GPHN: variants seen among roughly 807,000 people sequenced by gnomAD.
The protein encoded by GPHN is gephyrin.
Under a neutral mutation model 95.5 loss-of-function variants are expected in GPHN, and 17 were observed. The ratio of observed to expected loss-of-function variants is 0.18; its 90% CI spans 0.12 to 0.27. The LOEUF is 0.27. Ranked by LOEUF, GPHN falls within the 10% of genes least tolerant of loss-of-function variation. The pLI is 1.00. For synonymous variants in GPHN, 320 were observed against 322.5 expected (o/e 0.99, Z 0.08); for missense variants, 660 against 978.1 (o/e 0.67, Z 4.34).
chr14:66,991,244 A>G (rs2071399197), intron 9 of GPHN, among the ~76,000 whole-genome samples: 1 of 152,170 alleles, frequency 6.6e-6, no homozygotes. Context: ...TTTAGTAATA[A>G]TAAAATCATC....
chr14:67,656,823 G>T, the GPHN span, among the ~76,000 whole-genome samples: 1 of 152,072 alleles, frequency 6.6e-6, no homozygotes, highest in Non-Finnish European at 1.5e-5. Context: ...TTACACTTAC[G>T]CGAGGCAAGG....
At chr14:66,865,928 T>C (rs1055972095) in intron 4 of GPHN, among the ~76,000 whole-genome samples, 4 of 152,168 alleles carry the variant, frequency 2.6e-5, no homozygotes, top group Non-Finnish European at 5.9e-5. Context: ...ACATTGAACA[T>C]CAAGGTAGCA....
chr14:66,929,310 G>A (rs1402099223), intron 8 of GPHN, among the ~76,000 whole-genome samples: 1 of 151,884 alleles, frequency 6.6e-6, no homozygotes, highest in Admixed American at 6.6e-5. Flanking sequence ...CTCCCAAAGT[G>A]CTGGAATTAC....
chr14:66,869,955 A>G (rs1462809838), intron 4 of GPHN, among the ~76,000 whole-genome samples: 3 of 152,136 alleles, frequency 2.0e-5, no homozygotes, highest in Non-Finnish European at 1.5e-5. Context: ...TCTTTATTCA[A>G]CAAATATTTG....
At chr14:67,175,827 T>G (rs1199427896) in intron 21 of GPHN, among the ~76,000 whole-genome samples, 1 of 152,216 alleles carries the variant, frequency 6.6e-6, no homozygotes, top group East Asian at 1.9e-4. Flanking sequence ...GGTATTTTAT[T>G]CTATTTGTAT....
the GPHN span, among the ~76,000 whole-genome samples, chr14:67,210,356 C>T: frequency 1.3e-5 from 2 of 151,746 alleles, no homozygotes; most frequent in African/African-American, 4.8e-5. Context: ...GAGGCTGAGG[C>T]AGGAGGACTG....
chr14:66,822,572 A>G (rs1319505958), intron 3 of GPHN, among the ~76,000 whole-genome samples: 3 of 152,220 alleles, frequency 2.0e-5, no homozygotes, highest in Admixed American at 6.5e-5. Context: ...CATGGTAGGT[A>G]CTTCATAAAT....
intron 1 of GPHN, among the ~76,000 whole-genome samples, chr14:66,636,887 T>C (rs1271624776): frequency 2.0e-5 from 3 of 152,186 alleles, no homozygotes; most frequent in African/African-American, 4.8e-5. Context: ...TAATCTATTA[T>C]CTTGATTTTT....
the GPHN span, among the ~76,000 whole-genome samples, chr14:67,512,885 A>G: frequency 6.6e-6 from 1 of 152,204 alleles, no homozygotes; most frequent in Non-Finnish European, 1.5e-5. Context: ...GATAAAAACT[A>G]CACTTTTAAA....
At chr14:67,242,290 C>A in the GPHN span, among the ~76,000 whole-genome samples, 1 of 152,124 alleles carries the variant, frequency 6.6e-6, no homozygotes, top group Non-Finnish European at 1.5e-5. Context: ...AAATTAAAAT[C>A]TGATGGCTAG....
chr14:66,802,473 C>T (rs1054686918), intron 3 of GPHN, among the ~76,000 whole-genome samples: 2 of 152,110 alleles, frequency 1.3e-5, no homozygotes, highest in South Asian at 2.1e-4. Flanking sequence ...AGTTGGTACC[C>T]GAGTTGCAAG....
chr14:67,528,733 G>C, the GPHN span, among the ~76,000 whole-genome samples: 2 of 152,026 alleles, frequency 1.3e-5, no homozygotes, highest in Non-Finnish European at 2.9e-5. Flanking sequence ...GCAGCGGACA[G>C]AGCATTTTGC....
At chr14:66,675,225 C>A (rs2066519628) in intron 1 of GPHN, among the ~76,000 whole-genome samples, 1 of 150,760 alleles carries the variant, frequency 6.6e-6, no homozygotes, top group Non-Finnish European at 1.5e-5. Flanking sequence ...CTCACTGCAA[C>A]CTCTGCCTCC....
chr14:67,586,679 G>T, the GPHN span: 21 of 554,200 alleles, frequency 3.8e-5, no homozygotes, highest in African/African-American at 4.1e-4. Flanking sequence ...TGATTAACTG[G>T]AAACCCTGTT....
At chr14:67,225,689 G>T in the GPHN span, among the ~76,000 whole-genome samples, 1 of 152,060 alleles carries the variant, frequency 6.6e-6, no homozygotes, top group Non-Finnish European at 1.5e-5. Context: ...TATGTAGCTT[G>T]TACACACCAT....
chr14:66,757,211 A>G (rs1302683584), intron 2 of GPHN, among the ~76,000 whole-genome samples: 2 of 152,288 alleles, frequency 1.3e-5, no homozygotes, highest in African/African-American at 4.8e-5. Flanking sequence ...AGTTGATACA[A>G]TCTCCAAGAA....
At chr14:67,301,861 A>AT in the GPHN span, 1 of 1,195,872 alleles carries the variant, frequency 8.4e-7, no homozygotes. Context: ...CTAATTAATT[A>AT]TAACACTTTT....
chr14:66,981,100 A>T lies in GPHN; in HGVS notation c.963+15775A>T, dbSNP rs114151022. Among the ~76,000 whole-genome samples the T allele has an allele frequency of 7.1e-3, 1,080 of 152,264 alleles. 12 individuals are homozygous for T. Among genetic ancestry groups the T allele is most frequent in the East Asian group, 0.02 (105 of 5,182 alleles). On this transcript the variant is annotated intron_variant, in intron 9 of 22. Coordinates refer to ENST00000478722, the MANE Select transcript of GPHN (RefSeq NM_020806.5). ...AAAATATGGCAGAGGGGTTTAGAGG[A>T]TCTGTAACTTGCCACCATGATTCTA...
Position 66,916,000 on chromosome 14 carries a change from C to T in GPHN, c.390-3C>T, listed in dbSNP as rs527251241. The T allele has an allele frequency of 2.0e-5, 32 of 1,568,866 alleles. No homozygotes were observed. The African/African-American group carries it at 3.8e-4, about 19-fold the overall frequency. ...TGTTCATCTACTTTCTCTTTTCTTT[C>T]AGGCCTGTATGTGGAATCAGAGGGA... On this transcript the variant is annotated splice_region_variant and splice_polypyrimidine_tract_variant and intron_variant, in intron 5 of 22. Transcript: ENST00000478722.
Sources: allele counts gnomAD v4.1 joint callset (sites outside exome capture counted in the v4.1 genomes callset), GRCh38; gene constraint gnomAD v4.1.1; transcripts MANE v1.5; gene names NCBI Gene and HGNC (gene_info 2026-07-23, HGNC 2026-07-21).